CELF2: variants seen among roughly 807,000 people sequenced by gnomAD.
CELF2 encodes CUGBP Elav-like family member 2, also known as CUG triplet repeat RNA-binding protein 2.
Under a neutral mutation model 62.6 loss-of-function variants are expected in CELF2, and 8 were observed. The observed-to-expected ratio is 0.13, with a 90% CI of 0.07 to 0.23. The LOEUF is 0.23. Ranked by LOEUF, CELF2 falls within the 10% of genes least tolerant of loss-of-function variation. The pLI, the probability that CELF2 is intolerant of heterozygous loss-of-function variation, is 1.00. For missense variants in CELF2, 333 were observed against 671.0 expected, an observed-to-expected ratio of 0.50 and a Z score of 5.56; for synonymous variants, 258 against 250.0, an observed-to-expected ratio of 1.03 and a Z score of -0.30.
In CELF2 at chr10:11,333,452, T is replaced by TTCA. The variant is rs1243049994; in HGVS notation, c.*4402_*4404dup. On this transcript the variant is annotated 3_prime_UTR_variant, in exon 13 of 13. Transcript: ENST00000633077. The stretch of plus-strand genomic sequence containing the variant: ...TGGCAGTCCTCAAAGGCGTAACGAG[T>TTCA]TCATCTTTCTTTCACCATAGGGGTT... 2 of 152,590 alleles carry TTCA rather than the reference T, an allele frequency of 1.3e-5. No individual in the cohort carries two copies. The highest frequency in any genetic ancestry group is 3.2e-3 in the Middle Eastern group (1 of 316). 9.5% of individuals were successfully genotyped at this position (152,590 alleles called of 1,614,324 possible).
At chr10:11,140,470 G>C (rs1373973160) in intron 1 of CELF2, among the ~76,000 whole-genome samples, 2 of 151,894 alleles carry the variant, frequency 1.3e-5, no homozygotes, top group Non-Finnish European at 2.9e-5. Flanking sequence ...AAATACTGTA[G>C]GTGTGCAATA....
At chr10:11,229,914 G>T (rs1346695450) in intron 3 of CELF2, among the ~76,000 whole-genome samples, 1 of 152,174 alleles carries the variant, frequency 6.6e-6, no homozygotes, top group East Asian at 1.9e-4. Flanking sequence ...CTTCCCAAAT[G>T]ATTCCAGTGT....
the CELF2 span, among the ~76,000 whole-genome samples, chr10:10,781,338 G>T: frequency 6.6e-6 from 1 of 152,196 alleles, no homozygotes; most frequent in Non-Finnish European, 1.5e-5. Flanking sequence ...TGGTAGCTGT[G>T]TTAGTCTGTT....
At chr10:10,532,793 C>A in the CELF2 span, among the ~76,000 whole-genome samples, 1 of 151,528 alleles carries the variant, frequency 6.6e-6, no homozygotes, top group African/African-American at 2.4e-5. Flanking sequence ...TTCTAAGCTA[C>A]CTTGGTTTAT....
At position 11,257,953 on chromosome 10, in the gene CELF2, G is replaced by A. The variant is rs114845997; in HGVS notation, c.538+81G>A. 1.2e-3 allele frequency: 1,800 copies of A among 1,530,788 alleles called. 22 individuals are homozygous for A. In the African/African-American group the frequency reaches 0.022, roughly 19 times the overall value. The allele number at this position is 1,530,788 out of a possible 1,614,324, so 94.8% of individuals were successfully genotyped here. A position where few individuals can be genotyped will look rare whatever the true frequency, so the allele number is the denominator to read the frequency against. On this transcript the variant is annotated intron_variant, in intron 5 of 12. Transcript: ENST00000633077. ...CACAGTCGAGACAGATGTAGGCACC[G>A]CACACGGCAAGAGGTCACCCTGTAA...
At chr10:10,798,599 T>G (rs1022710027), upstream of CELF2, 2 of 392,832 alleles carry the variant, frequency 5.1e-6, no homozygotes, top group Non-Finnish European at 9.0e-6. Context: ...GAGCGCAGGA[T>G]TGATTTGCGG....
At chr10:10,543,122 T>A in the CELF2 span, among the ~76,000 whole-genome samples, 2 of 152,160 alleles carry the variant, frequency 1.3e-5, no homozygotes, top group Admixed American at 1.3e-4. Flanking sequence ...AGCAAACAGA[T>A]GTCTGTTGGG....
chr10:11,120,055 G>A (rs1244763873), intron 1 of CELF2, among the ~76,000 whole-genome samples: 1 of 152,008 alleles, frequency 6.6e-6, no homozygotes, highest in Non-Finnish European at 1.5e-5. Flanking sequence ...GCAGAATTTG[G>A]TCCTATCACT....
chr10:11,197,082 A>AGAAAGGAAAGAAAG (rs2058139477), intron 2 of CELF2, among the ~76,000 whole-genome samples: 2 of 137,536 alleles, frequency 1.5e-5, no homozygotes, highest in African/African-American at 3.1e-5. Flanking sequence ...AAAGAAAGAA[A>AGAAAGGAAAGAAAG]GAAGAAAGAA....
intron 3 of CELF2, among the ~76,000 whole-genome samples, chr10:11,226,650 G>C (rs2066712729): frequency 6.7e-6 from 1 of 149,480 alleles, no homozygotes; most frequent in Non-Finnish European, 1.5e-5. Flanking sequence ...ACACGAGCTG[G>C]CCCTGCCACA....
At chr10:10,802,116 C>T (rs2054725835) in intron 1 of CELF2, among the ~76,000 whole-genome samples, 1 of 152,110 alleles carries the variant, frequency 6.6e-6, no homozygotes, top group Non-Finnish European at 1.5e-5. Flanking sequence ...AATTCAAAAG[C>T]TAAATAAAGT....
intron 9 of CELF2, among the ~76,000 whole-genome samples, chr10:11,313,743 G>C (rs921684956): frequency 3.4e-5 from 5 of 149,018 alleles, no homozygotes; most frequent in Non-Finnish European, 7.4e-5. Context: ...ACTAAAGACA[G>C]TACAAGAAGG....
At chr10:11,125,685 T>G (rs948986237) in intron 1 of CELF2, among the ~76,000 whole-genome samples, 2 of 152,222 alleles carry the variant, frequency 1.3e-5, no homozygotes, top group Non-Finnish European at 2.9e-5. Context: ...TTTGCCACAC[T>G]GCTGTCACCT....
intron 1 of CELF2, among the ~76,000 whole-genome samples, chr10:10,869,745 C>T (rs900813671): frequency 6.6e-6 from 1 of 152,110 alleles, no homozygotes; most frequent in Non-Finnish European, 1.5e-5. Flanking sequence ...TCCTCTGCAC[C>T]CCTCTGCCAT....
the CELF2 span, among the ~76,000 whole-genome samples, chr10:10,695,879 T>C: frequency 2.6e-5 from 4 of 151,750 alleles, no homozygotes; most frequent in Non-Finnish European, 1.5e-5. Flanking sequence ...AGCACTTCTC[T>C]GTATTGGTTA....
In CELF2 at chr10:11,275,096, T is replaced by C; in HGVS notation, c.817T>C (p.Phe273Leu). The change falls in exon 8 of 13, where the codon TTC becomes CTC. Residue 273 changes from phenylalanine (F) to leucine (L), a missense_variant. By Grantham distance (22) the Phe-to-Leu change is conservative. Transcript: ENST00000633077. ...QATSSSNLGA[F>L]SGIQQMAGMN... ...CACCTCCTCCAGCAACCTGGGTGCGTTCAGCGGCATTCAACAAATGGCAGG... is the reference window on the plus strand; with the variant it reads ...CACCTCCTCCAGCAACCTGGGTGCGCTCAGCGGCATTCAACAAATGGCAGG... The C allele has an allele frequency of 6.2e-7, 1 of 1,614,184 alleles. No homozygotes were observed. The highest frequency in any genetic ancestry group is 8.5e-7 in the Non-Finnish European group (1 of 1,180,016).
chr10:10,487,034 A>G, the CELF2 span, among the ~76,000 whole-genome samples: 12 of 152,250 alleles, frequency 7.9e-5, no homozygotes, highest in East Asian at 2.3e-3. Context: ...TTTCACTTGC[A>G]TAGAGAATGT....
At chr10:10,839,856 T>C (rs560915692) in intron 1 of CELF2, among the ~76,000 whole-genome samples, 23 of 152,240 alleles carry the variant, frequency 1.5e-4, no homozygotes, top group Non-Finnish European at 2.8e-4. Flanking sequence ...AAAATTCCTC[T>C]GTGCTTCACC....
At chr10:10,920,264 A>G (rs1047337869) in intron 2 of CELF2, among the ~76,000 whole-genome samples, 4 of 152,238 alleles carry the variant, frequency 2.6e-5, no homozygotes, top group African/African-American at 9.6e-5. Context: ...GGAGATGTAT[A>G]TATGAGCTAG....
Sources: allele counts gnomAD v4.1 joint callset (sites outside exome capture counted in the v4.1 genomes callset), GRCh38; gene constraint gnomAD v4.1.1; transcripts MANE v1.5; gene names NCBI Gene and HGNC (gene_info 2026-07-23, HGNC 2026-07-21).